ALMS1: variants seen among roughly 807,000 people sequenced by gnomAD.
The protein encoded by ALMS1 is centrosome-associated protein ALMS1.
ALMS1 carries 271 observed loss-of-function variants against 352.2 expected under a neutral mutation model. The ratio of observed to expected loss-of-function variants is 0.77; its 90% confidence interval spans 0.70 to 0.85. The LOEUF is 0.85. Among genes scored for constraint, ALMS1 ranks in the 40% least tolerant of loss-of-function variants. The probability of loss-of-function intolerance (pLI) is 0.00; values close to 1 mark genes in which losing one functional copy is unlikely to be tolerated. For synonymous variants in ALMS1, 1,865 were observed against 1,761.2 expected (o/e 1.06, Z -1.48); for missense variants, 5,445 against 4,870.7 (o/e 1.12, Z -3.51).
At chr2:73,576,406 G>A (rs1675054785) in intron 16 of ALMS1, among the ~76,000 whole-genome samples, 4 of 151,966 alleles carry the variant, frequency 2.6e-5, no homozygotes, top group Admixed American at 2.6e-4. Flanking sequence ...TAATGTATAG[G>A]TACATAAATA....
chr2:73,471,840 A>G (rs770746568), intron 9 of ALMS1, among the ~76,000 whole-genome samples: 11 of 152,024 alleles, frequency 7.2e-5, no homozygotes, highest in African/African-American at 2.4e-4. Flanking sequence ...GAATTACCAT[A>G]TGATCCCACT....
intron 11 of ALMS1, among the ~76,000 whole-genome samples, chr2:73,528,570 G>A (rs1420046610): frequency 6.6e-6 from 1 of 151,960 alleles, no homozygotes; most frequent in Non-Finnish European, 1.5e-5. Context: ...CTATTTGCGT[G>A]GGATATCTTT....
At chr2:73,599,946 C>T (rs1675637800) in intron 17 of ALMS1, among the ~76,000 whole-genome samples, 1 of 152,142 alleles carries the variant, frequency 6.6e-6, no homozygotes, top group South Asian at 2.1e-4. Context: ...TTTAGGTGTT[C>T]CTCAGTAGCT....
At chr2:73,567,430 G>C (rs1674827108) in intron 15 of ALMS1, among the ~76,000 whole-genome samples, 1 of 152,132 alleles carries the variant, frequency 6.6e-6, no homozygotes, top group Non-Finnish European at 1.5e-5. Context: ...AATTACAAGA[G>C]TTTTAGTAGT....
chr2:73,501,771 A>G (rs914434231), intron 10 of ALMS1, among the ~76,000 whole-genome samples: 2 of 152,048 alleles, frequency 1.3e-5, no homozygotes, highest in Non-Finnish European at 2.9e-5. Context: ...TGCTATTTCA[A>G]GTCCTTTGCA....
chr2:73,472,387 T>C (rs1672485700), intron 9 of ALMS1, among the ~76,000 whole-genome samples: 1 of 152,070 alleles, frequency 6.6e-6, no homozygotes, highest in Non-Finnish European at 1.5e-5. Flanking sequence ...AATATTTCTT[T>C]ATAGTAGAAT....
Position 73,386,207 on chromosome 2 carries a change from G to C in ALMS1, c.324+15G>C, listed in dbSNP as rs1670526210. On this transcript the variant is annotated intron_variant, in intron 1 of 22. Coordinates refer to ENST00000613296, the MANE Select transcript of ALMS1 (RefSeq NM_001378454.1). ...CCCTGGAGAAGGTGAGGCGGGCCGG[G>C]GAGGGGTGTGGAGCCGCGGCGAGTT... The C allele has an allele frequency of 1.3e-6, 2 of 1,514,536 alleles. No individual in the cohort carries two copies. Among genetic ancestry groups the C allele is most frequent in the African/African-American group, 1.4e-5 (1 of 71,520 alleles). 93.8% of individuals were successfully genotyped at this position (1,514,536 alleles called of 1,614,324 possible).
At chr2:73,532,260 G>T (rs1673930205) in intron 11 of ALMS1, among the ~76,000 whole-genome samples, 1 of 152,160 alleles carries the variant, frequency 6.6e-6, no homozygotes, top group African/African-American at 2.4e-5. Flanking sequence ...GCCTATGTTT[G>T]TTCAAGGCCC....
intron 16 of ALMS1, 142 bp from the exon 17 acceptor site, chr2:73,599,259 T>A (rs1197617209): frequency 9.3e-7 from 1 of 1,078,544 alleles, no homozygotes; most frequent in Non-Finnish European, 1.4e-6. Context: ...AGGCAGCAAG[T>A]TCACAGTATC....
intron 10 of ALMS1, among the ~76,000 whole-genome samples, chr2:73,512,176 C>T (rs1247154703): frequency 6.6e-6 from 1 of 152,136 alleles, no homozygotes; most frequent in Non-Finnish European, 1.5e-5. Context: ...CCTCTGCCTC[C>T]CGGGTTCAAG....
At chr2:73,395,939 A>C (rs1048397454) in intron 1 of ALMS1, among the ~76,000 whole-genome samples, 3 of 152,142 alleles carry the variant, frequency 2.0e-5, no homozygotes, top group Non-Finnish European at 4.4e-5. Context: ...CCACACATAA[A>C]ATACACTAAC....
chr2:73,445,175 C>T (rs898732656), intron 7 of ALMS1, among the ~76,000 whole-genome samples: 7 of 152,006 alleles, frequency 4.6e-5, no homozygotes, highest in South Asian at 4.1e-4. Context: ...CACAAACATA[C>T]GATGTGTAAT....
intron 21 of ALMS1, among the ~76,000 whole-genome samples, chr2:73,607,081 C>T (rs940802486): frequency 1.3e-5 from 2 of 152,190 alleles, no homozygotes; most frequent in African/African-American, 2.4e-5. Flanking sequence ...TATCACTTAT[C>T]ATCCTTCCAT....
At position 73,395,389 on chromosome 2, in the gene ALMS1, T is replaced by C. The variant is rs1032964469; in HGVS notation, c.324+9197T>C. 1.4e-4 allele frequency among the ~76,000 whole-genome samples: 22 copies of C among 152,192 alleles called. No homozygotes were observed. In the South Asian group the frequency reaches 1.7e-3, roughly 11 times the overall value. On this transcript the variant is annotated intron_variant, in intron 1 of 22. Coordinates refer to ENST00000613296, the MANE Select transcript of ALMS1 (RefSeq NM_001378454.1). ...CCACCATGCTGGGCCGGTATTATAA[T>C]CTTATAGGACCACCATTATGTATGT...
chr2:73,519,258 A>C (rs539613237), intron 10 of ALMS1, among the ~76,000 whole-genome samples: 3 of 152,248 alleles, frequency 2.0e-5, no homozygotes, highest in Admixed American at 2.0e-4. Context: ...TTCTTCTTAA[A>C]GCAAAATTTG....
At chr2:73,386,258 C>T in intron 1 of ALMS1, 66 bp downstream of exon 1, 1 of 1,416,840 alleles carries the variant, frequency 7.1e-7, no homozygotes, top group Non-Finnish European at 9.2e-7. Context: ...GCCCCGAGCG[C>T]TCCGCCCGCC....
chr2:73,415,210 A>G (rs1671161933), intron 2 of ALMS1, among the ~76,000 whole-genome samples: 1 of 152,088 alleles, frequency 6.6e-6, no homozygotes, highest in African/African-American at 2.4e-5. Context: ...TTTAAAAGGT[A>G]TAACACAAAG....
At chr2:73,492,969 A>T (rs1572971989) in intron 10 of ALMS1, among the ~76,000 whole-genome samples, 1 of 60,496 alleles carries the variant, frequency 1.7e-5, no homozygotes, top group South Asian at 3.1e-4. Context: ...ATTGATACTT[A>T]AAAAAAAAAA....
intron 1 of ALMS1, among the ~76,000 whole-genome samples, chr2:73,391,563 G>A (rs1043865034): frequency 6.6e-6 from 1 of 152,104 alleles, no homozygotes; most frequent in African/African-American, 2.4e-5. Flanking sequence ...AAAGTGCTGG[G>A]ATTACAGGCT....
Sources: gnomAD v4.1 joint callset for allele counts (sites outside exome capture counted in the v4.1 genomes callset) on GRCh38, gnomAD v4.1.1 for gene constraint, MANE v1.5 for transcripts, NCBI Gene and HGNC (gene_info 2026-07-23, HGNC 2026-07-21) for gene names.